Variants in BMP2 observed in about 807,000 individuals in gnomAD.
BMP2 encodes the protein bone morphogenetic protein 2A.
In BMP2, 2 loss-of-function variants were observed where a neutral mutation model predicts 28.8. The observed-to-expected ratio is 0.07, with a 90% CI of 0.03 to 0.22. The LOEUF is 0.22. Among genes scored for constraint, BMP2 ranks in the 10% least tolerant of loss-of-function variants. The pLI is 1.00. For missense variants in BMP2, 437 were observed against 517.7 expected (o/e 0.84, Z 1.51); for synonymous variants, 218 against 204.3 (o/e 1.07, Z -0.57).
intron 2 of BMP2, among the ~76,000 whole-genome samples, chr20:6,776,874 C>T (rs6117430): frequency 0.065 from 9,904 of 152,052 alleles, 1,022 homozygotes; most frequent in African/African-American, 0.22. Context: ...GCACAACTTA[C>T]AGCTGTTTGT....
chr20:6,771,767 C>G (rs1008547817), intron 2 of BMP2, among the ~76,000 whole-genome samples: 3 of 152,206 alleles, frequency 2.0e-5, no homozygotes, highest in Admixed American at 1.3e-4. Flanking sequence ...AAGTGAGGTG[C>G]TCTCTGCTAG....
rs1479702258 is a variant in BMP2 at position 6,768,812 on chromosome 20, T to C, written c.-71T>C. The C allele has an allele frequency of 5.1e-6, 2 of 395,872 alleles. No homozygotes were observed. Among genetic ancestry groups the C allele is most frequent in the Non-Finnish European group, 8.9e-6 (2 of 224,596 alleles). The allele number at this position is 395,872 out of a possible 1,614,324, so 24.5% of individuals were successfully genotyped here. A position where few individuals can be genotyped will look rare whatever the true frequency, so the allele number is the denominator to read the frequency against. On this transcript the variant is annotated 5_prime_UTR_variant, in exon 1 of 3. An upstream start codon of the reference 5' UTR is lost. Transcript: ENST00000378827. ...AGGTCCTTTGACCAGAGTTTTTCCA[T>C]GTGGACGCTCTTTCAATGGACGTGT... is the stretch of plus-strand genomic sequence containing the variant.
At chr20:6,770,653 C>T (rs1331172672) in intron 2 of BMP2, among the ~76,000 whole-genome samples, 181 bp downstream of exon 2, 1 of 152,208 alleles carries the variant, frequency 6.6e-6, no homozygotes, top group Non-Finnish European at 1.5e-5. Flanking sequence ...GGTGGGGGAG[C>T]CAGGGATTCC....
intron 1 of BMP2, 104 bp downstream of exon 1, chr20:6,768,979 G>A (rs1986326512): frequency 7.6e-6 from 3 of 396,808 alleles, no homozygotes; most frequent in Non-Finnish European, 1.3e-5. Flanking sequence ...GAAGTAAACA[G>A]ACCCCTCTCC....
intron 2 of BMP2, among the ~76,000 whole-genome samples, chr20:6,777,702 G>C (rs545122454): frequency 6.6e-6 from 1 of 152,268 alleles, no homozygotes; most frequent in East Asian, 1.9e-4. Flanking sequence ...CGTTGATGTT[G>C]AGTTTCAGAG....
intron 2 of BMP2, among the ~76,000 whole-genome samples, chr20:6,777,410 T>TA (rs397963404): frequency 6.6e-6 from 1 of 152,152 alleles, no homozygotes; most frequent in East Asian, 1.9e-4. Flanking sequence ...CATGGTTTTT[T>TA]AACATGGTTT....
In BMP2 at chr20:6,778,877, G is replaced by A. The variant is rs190569855; in HGVS notation, c.979G>A (p.Gly327Arg). 1 of 1,614,066 alleles carries A rather than the reference G, an allele frequency of 6.2e-7. No homozygotes were observed. The highest frequency in any genetic ancestry group is 1.3e-5 in the African/African-American group (1 of 75,000). Residue 327 changes from glycine (G) to arginine (R), a missense_variant, in exon 3 of 3, where the codon GGA becomes AGA. Physicochemically the swap from Gly to Arg is moderately radical, Grantham distance 125. Around this residue, in one of 2 missense-constraint regions of BMP2, gnomAD observed 74 missense variants for 124.9 expected, o/e 0.59. Transcript: ENST00000378827. The surrounding 1 kb of genome is among the most constrained non-coding windows in gnomAD (Gnocchi z 5.0). ...PPGYHAFYCH[G>R]ECPFPLADHL... ...GGGGTATCACGCCTTTTACTGCCAC[G>A]GAGAATGCCCTTTTCCTCTGGCTGA... is the stretch of plus-strand genomic sequence containing the variant.
intron 2 of BMP2, among the ~76,000 whole-genome samples, chr20:6,775,139 C>G (rs1986472989): frequency 6.6e-6 from 1 of 152,130 alleles, no homozygotes; most frequent in African/African-American, 2.4e-5. Flanking sequence ...TTGTATAAGT[C>G]TCCAAAAAAG....
intron 1 of BMP2, among the ~76,000 whole-genome samples, chr20:6,769,348 G>T (rs1159202251): frequency 6.6e-6 from 1 of 151,918 alleles, no homozygotes; most frequent in Non-Finnish European, 1.5e-5. Flanking sequence ...AGGAGTTTGG[G>T]GTTCTCCCTA....
chr20:6,770,066 A>AG lies in BMP2; in HGVS notation c.-7-48dup, dbSNP rs1216811450. 1.0e-5 allele frequency: 15 copies of AG among 1,465,070 alleles called. No homozygotes were observed. In the South Asian group the frequency reaches 1.6e-4, roughly 16 times the overall value. 90.8% of individuals were successfully genotyped at this position (1,465,070 alleles called of 1,614,324 possible). A position where few individuals can be genotyped will look rare whatever the true frequency, so the allele number is the denominator to read the frequency against. On this transcript the variant is annotated intron_variant, in intron 1 of 2. Coordinates refer to ENST00000378827, the MANE Select transcript of BMP2 (RefSeq NM_001200.4). ...TGGGAGACCGGGCCGCGGGGGCGCG[A>AG]GGGGGGAGGACTGGGCGGGGAACTC...
chr20:6,780,179 T>C lies in BMP2; in HGVS notation c.*1090T>C, dbSNP rs1317293328. ...TATCAGCTTGCTTTTCTTTCCAAGG[T>C]TGTGTGTTTGAACACATTTCTCCAA... is the stretch of plus-strand genomic sequence containing the variant. On this transcript the variant is annotated 3_prime_UTR_variant, in exon 3 of 3. Coordinates refer to ENST00000378827, the MANE Select transcript of BMP2 (RefSeq NM_001200.4). The C allele has an allele frequency of 6.6e-6, 1 of 152,636 alleles. No individual in the cohort carries two copies. Among genetic ancestry groups the C allele is most frequent in the Non-Finnish European group, 1.5e-5 (1 of 68,042 alleles). The allele number at this position is 152,636 out of a possible 1,614,324, so 9.5% of individuals were successfully genotyped here. A position where few individuals can be genotyped will look rare whatever the true frequency, so the allele number is the denominator to read the frequency against.
At chr20:6,777,208 T>A (rs925069694) in intron 2 of BMP2, among the ~76,000 whole-genome samples, 2 of 152,220 alleles carry the variant, frequency 1.3e-5, no homozygotes, top group Non-Finnish European at 2.9e-5. Context: ...TCAGAAATTT[T>A]AAATCAGACA....
intron 1 of BMP2, among the ~76,000 whole-genome samples, chr20:6,769,528 C>T (rs1211763378): frequency 2.6e-5 from 4 of 151,762 alleles, no homozygotes; most frequent in Non-Finnish European, 5.9e-5. Context: ...TTCGAGACAC[C>T]CCTGAGGGTA....
intron 2 of BMP2, among the ~76,000 whole-genome samples, chr20:6,774,868 TCA>T (rs1219088535): frequency 6.6e-6 from 1 of 152,236 alleles, no homozygotes; most frequent in Non-Finnish European, 1.5e-5. Context: ...AGAATTCAGC[TCA>T]GTCTTTTGAA....
rs1296806772 is a variant in BMP2 at position 6,769,643 on chromosome 20, G to GTTTGTGTGTGTT, written c.-7-476_-7-475insTTGTGTGTGTTT. The stretch of plus-strand genomic sequence containing the variant: ...TGTGTGTGTGTGTGTGTGTGTGTGT[G>GTTTGTGTGTGTT]TGTGTCAGGAAGTTCTATACAGTGC... On this transcript the variant is annotated intron_variant, in intron 1 of 2. Transcript: ENST00000378827. 2.0e-5 allele frequency among the ~76,000 whole-genome samples: 3 copies of GTTTGTGTGTGTT among 150,574 alleles called. 1 individual carries two copies. The highest frequency in any genetic ancestry group is 7.4e-5 in the African/African-American group (3 of 40,338).
At position 6,770,259 on chromosome 20, in the gene BMP2, C is replaced by A. The variant is rs757825179; in HGVS notation, c.133C>A (p.Pro45Thr). ...GTCGTCGGGCCGCCCCTCATCCCAG[C>A]CCTCTGACGAGGTCCTGAGCGAGTT... ...AASSGRPSSQ[P>T]SDEVLSEFEL... The change falls in exon 2 of 3, where the codon CCC becomes ACC. Residue 45 changes from proline to threonine, a missense_variant. Coordinates refer to ENST00000378827, the MANE Select transcript of BMP2 (RefSeq NM_001200.4). 67 of 1,611,562 alleles carry A rather than the reference C, an allele frequency of 4.2e-5. No homozygotes were observed. Among genetic ancestry groups the A allele is most frequent in the Non-Finnish European group, 5.3e-5 (62 of 1,179,102 alleles).
chr20:6,771,041 A>G (rs1012518248), intron 2 of BMP2, among the ~76,000 whole-genome samples: 1 of 151,438 alleles, frequency 6.6e-6, no homozygotes, highest in African/African-American at 2.5e-5. Context: ...GTGGGAGATC[A>G]ATACTACAAT....
chr20:6,777,805 A>G (rs1222071422), intron 2 of BMP2, among the ~76,000 whole-genome samples: 1 of 152,224 alleles, frequency 6.6e-6, no homozygotes, highest in Non-Finnish European at 1.5e-5. Context: ...AGGGATTGGC[A>G]TTAAAGCCTT....
In BMP2 at chr20:6,779,227, G is replaced by C; in HGVS notation, c.*138G>C. 3.4e-6 allele frequency: 1 copy of C among 291,752 alleles called. No individual in the cohort carries two copies. The highest frequency in any genetic ancestry group is 5.6e-6 in the Non-Finnish European group (1 of 177,656). The allele number at this position is 291,752 out of a possible 1,614,324, so 18.1% of individuals were successfully genotyped here. On this transcript the variant is annotated 3_prime_UTR_variant, in exon 3 of 3. Transcript: ENST00000378827. ...AAGACTTTATTTATGGAATGGAATG[G>C]AAAAAAAAACAGCTATTTTGAAAAT...
Sources: gnomAD v4.1 joint callset for allele counts (sites outside exome capture counted in the v4.1 genomes callset) on GRCh38, gnomAD v4.1.1 for gene constraint, gnomAD v4.1.1 regional missense constraint, Gnocchi (gnomAD v3.1) non-coding constraint, MANE v1.5 for transcripts, NCBI Gene and HGNC (gene_info 2026-07-23, HGNC 2026-07-21) for gene names.